The following MGMT variants were observed in gnomAD, a reference collection of about 807,000 sequenced individuals.
The protein encoded by MGMT is methylated-DNA--protein-cysteine methyltransferase.
A neutral mutation model predicts 15.9 loss-of-function variants in MGMT; 14 were observed. The observed-to-expected ratio is 0.88, with a 90% CI of 0.58 to 1.37. The LOEUF (loss-of-function observed/expected upper bound fraction) is 1.37. Ranked by LOEUF, MGMT falls within the 40% of genes most tolerant of loss-of-function variation. The pLI, the probability that MGMT is intolerant of heterozygous loss-of-function variation, is 0.00. For synonymous variants in MGMT, 130 were observed against 118.2 expected, an observed-to-expected ratio of 1.10 and a Z score of -0.65; for missense variants, 282 against 268.1, an observed-to-expected ratio of 1.05 and a Z score of -0.36.
intron 3 of MGMT, among the ~76,000 whole-genome samples, chr10:129,755,753 C>T (rs1346306099): frequency 6.6e-6 from 1 of 152,248 alleles, no homozygotes; most frequent in East Asian, 1.9e-4. Context: ...TGCTCTGAGC[C>T]TGGCCGTGTG....
chr10:129,743,643 C>G (rs903249750), intron 3 of MGMT, among the ~76,000 whole-genome samples: 15 of 152,200 alleles, frequency 9.9e-5, no homozygotes, highest in African/African-American at 3.6e-4. Flanking sequence ...ACTCCTGGAC[C>G]TTTGGGGAGA....
intron 2 of MGMT, among the ~76,000 whole-genome samples, chr10:129,673,227 T>G (rs7918307): frequency 0.054 from 8,248 of 152,174 alleles, 740 homozygotes; most frequent in African/African-American, 0.19. Flanking sequence ...AAATTGTCGC[T>G]GTCTGCTCTT....
intron 3 of MGMT, among the ~76,000 whole-genome samples, chr10:129,720,743 A>G (rs1313816661): frequency 1.3e-5 from 2 of 152,202 alleles, no homozygotes; most frequent in Non-Finnish European, 1.5e-5. Flanking sequence ...GTGCCTGCCA[A>G]TGCTGTGACA....
At chr10:129,588,245 C>G (rs917793053) in intron 2 of MGMT, among the ~76,000 whole-genome samples, 1 of 152,150 alleles carries the variant, frequency 6.6e-6, no homozygotes, top group Non-Finnish European at 1.5e-5. Flanking sequence ...GTCTCAGTTG[C>G]AGCTGACATT....
intron 3 of MGMT, among the ~76,000 whole-genome samples, chr10:129,736,120 G>A (rs2057729300): frequency 1.5e-5 from 2 of 134,568 alleles, no homozygotes; most frequent in Non-Finnish European, 3.2e-5. Context: ...TATCCTTGTT[G>A]ACTTTCTGTC....
chr10:129,646,958 A>C (rs1357254975), intron 2 of MGMT, among the ~76,000 whole-genome samples: 2 of 150,970 alleles, frequency 1.3e-5, no homozygotes, highest in African/African-American at 4.9e-5. Context: ...CTCGCATCTG[A>C]ACACCTGGGA....
chr10:129,567,646 G>A (rs1350556744), intron 2 of MGMT, among the ~76,000 whole-genome samples: 2 of 152,156 alleles, frequency 1.3e-5, no homozygotes, highest in Admixed American at 1.3e-4. Context: ...ATAAAAGCAC[G>A]GGTACAGATT....
intron 2 of MGMT, among the ~76,000 whole-genome samples, chr10:129,540,557 T>A (rs1455690745): frequency 1.3e-5 from 2 of 152,218 alleles, no homozygotes; most frequent in African/African-American, 4.8e-5. Context: ...ATTTCATGTA[T>A]GTGTTGACAT....
At chr10:129,725,708 T>C (rs1398872898) in intron 3 of MGMT, among the ~76,000 whole-genome samples, 3 of 152,196 alleles carry the variant, frequency 2.0e-5, no homozygotes, top group African/African-American at 7.2e-5. Context: ...GATGCCCAGA[T>C]TGGAGCAGCA....
intron 3 of MGMT, among the ~76,000 whole-genome samples, chr10:129,758,893 C>T (rs1848837163): frequency 1.3e-5 from 2 of 152,208 alleles, no homozygotes; most frequent in Non-Finnish European, 1.5e-5. Flanking sequence ...CACTTACACA[C>T]GCCCAGTCGC....
chr10:129,730,213 A>T (rs774686949), intron 3 of MGMT, among the ~76,000 whole-genome samples: 1 of 152,200 alleles, frequency 6.6e-6, no homozygotes, highest in Non-Finnish European at 1.5e-5. Context: ...CCATTGGCGC[A>T]TTGAGCATGA....
intron 2 of MGMT, among the ~76,000 whole-genome samples, chr10:129,685,497 T>TGG (rs1205718784): frequency 6.6e-6 from 1 of 152,156 alleles, no homozygotes. Flanking sequence ...CCCCGAGCCG[T>TGG]GGAGGTGAGT....
chr10:129,683,949 C>T (rs1847879689), intron 2 of MGMT, among the ~76,000 whole-genome samples: 1 of 152,152 alleles, frequency 6.6e-6, no homozygotes, highest in Non-Finnish European at 1.5e-5. Flanking sequence ...TACCTCCAGC[C>T]CCCATCATCA....
intron 2 of MGMT, among the ~76,000 whole-genome samples, chr10:129,598,181 A>T (rs1244769881): frequency 6.6e-6 from 1 of 152,128 alleles, no homozygotes; most frequent in African/African-American, 2.4e-5. Context: ...GGGTGCATGG[A>T]GCATCCCTGG....
At chr10:129,760,992 G>A (rs555883916) in intron 4 of MGMT, among the ~76,000 whole-genome samples, 8 of 152,242 alleles carry the variant, frequency 5.3e-5, no homozygotes, top group Admixed American at 1.3e-4. Context: ...GGATATTTCC[G>A]AATCAAATTT....
chr10:129,535,785 T>A (rs1315489943), intron 1 of MGMT, among the ~76,000 whole-genome samples: 1 of 152,242 alleles, frequency 6.6e-6, no homozygotes. Context: ...AATCTCTGTT[T>A]TTGTAAGTCA....
At chr10:129,684,744 C>T (rs768184832) in intron 2 of MGMT, among the ~76,000 whole-genome samples, 3 of 152,208 alleles carry the variant, frequency 2.0e-5, no homozygotes, top group Admixed American at 6.5e-5. Context: ...CTCCAAAGCC[C>T]TGAGACAGAT....
At chr10:129,471,689 G>A (rs1343232713) in intron 1 of MGMT, among the ~76,000 whole-genome samples, 2 of 152,096 alleles carry the variant, frequency 1.3e-5, no homozygotes, top group Non-Finnish European at 1.5e-5. Context: ...CGATTGCAGG[G>A]CCCCATGGGA....
chr10:129,581,159 G>C (rs1846550845), intron 2 of MGMT, among the ~76,000 whole-genome samples: 1 of 152,230 alleles, frequency 6.6e-6, no homozygotes. Flanking sequence ...CACACTGGAA[G>C]GTGTTTGCCG....
Sources: allele counts gnomAD v4.1 joint callset (sites outside exome capture counted in the v4.1 genomes callset), GRCh38; gene constraint gnomAD v4.1.1; transcripts MANE v1.5; gene names NCBI Gene and HGNC (gene_info 2026-07-23, HGNC 2026-07-21).